The following PDE11A variants were observed in gnomAD, a reference collection of about 807,000 sequenced individuals.
PDE11A encodes the protein dual 3',5'-cyclic-AMP and -GMP phosphodiesterase 11A.
PDE11A carries 100 observed loss-of-function variants against 100.5 expected under a neutral mutation model. The ratio of observed to expected loss-of-function variants is 1.00; its 90% CI spans 0.85 to 1.18. PDE11A has a LOEUF of 1.18. Ranked by LOEUF, PDE11A falls within the 50% of genes most tolerant of loss-of-function variation. The pLI is 0.00. For missense variants in PDE11A, 1,141 were observed against 1,152.6 expected, an observed-to-expected ratio of 0.99 and a Z score of 0.15; for synonymous variants, 381 against 420.8, an observed-to-expected ratio of 0.91 and a Z score of 1.16.
At chr2:177,708,791 C>T (rs2081317286) in intron 13 of PDE11A, among the ~76,000 whole-genome samples, 1 of 152,142 alleles carries the variant, frequency 6.6e-6, no homozygotes, top group Admixed American at 6.5e-5. Flanking sequence ...ATTATGCTCC[C>T]CCAAGTACTG....
At chr2:177,967,201 T>TC (rs2085709697) in intron 2 of PDE11A, among the ~76,000 whole-genome samples, 1 of 32,610 alleles carries the variant, frequency 3.1e-5, no homozygotes, top group Non-Finnish European at 5.4e-5. Context: ...CTCCTTTGTC[T>TC]TTTTTTTTTT....
chr2:177,666,904 A>AATTTATTTATTTATTTATTTATTTATTT (rs3056898), intron 18 of PDE11A, among the ~76,000 whole-genome samples: 19 of 141,434 alleles, frequency 1.3e-4, no homozygotes, highest in East Asian at 1.0e-3. Context: ...GATAAAGTTC[A>AATTTATTTATTTATTTATTTATTTATTT]ATTTATTTAT....
chr2:177,681,899 A>G (rs1243103176), intron 15 of PDE11A, among the ~76,000 whole-genome samples: 1 of 152,236 alleles, frequency 6.6e-6, no homozygotes, highest in Admixed American at 6.5e-5. Flanking sequence ...ATCCCAAAAT[A>G]TATTTATTTG....
At chr2:177,909,619 C>T (rs1421477704) in intron 2 of PDE11A, among the ~76,000 whole-genome samples, 1 of 152,180 alleles carries the variant, frequency 6.6e-6, no homozygotes, top group Non-Finnish European at 1.5e-5. Flanking sequence ...CCCTATTGGA[C>T]ATTACTACTA....
intron 2 of PDE11A, among the ~76,000 whole-genome samples, chr2:177,987,456 T>C (rs1383828342): frequency 2.0e-5 from 3 of 152,244 alleles, no homozygotes; most frequent in Non-Finnish European, 4.4e-5. Context: ...CACATTTTTC[T>C]TATCTCAAAG....
At chr2:177,911,116 C>A (rs2084875284) in intron 2 of PDE11A, among the ~76,000 whole-genome samples, 1 of 152,210 alleles carries the variant, frequency 6.6e-6, no homozygotes, top group Admixed American at 6.5e-5. Flanking sequence ...CAGGCAGTAA[C>A]TATATGATAA....
chr2:177,840,795 A>G (rs1310332449), intron 5 of PDE11A, among the ~76,000 whole-genome samples: 16 of 152,256 alleles, frequency 1.1e-4, no homozygotes, highest in Admixed American at 1.0e-3. Flanking sequence ...GGGAAAAATC[A>G]GGAAGTAAAT....
intron 19 of PDE11A, among the ~76,000 whole-genome samples, chr2:177,642,590 T>C (rs2080160165): frequency 6.6e-6 from 1 of 152,192 alleles, no homozygotes; most frequent in Non-Finnish European, 1.5e-5. Flanking sequence ...TAATTTACCT[T>C]GAGCTTAGGA....
At chr2:177,916,927 A>ATTTTTTTTTTTTTTTTTTTTTTTT (rs1183483256) in intron 2 of PDE11A, among the ~76,000 whole-genome samples, 1 of 105,314 alleles carries the variant, frequency 9.5e-6, no homozygotes, top group African/African-American at 4.3e-5. Flanking sequence ...CGCCCGGCTA[A>ATTTTTTTTTTTTTTTTTTTTTTTT]TTTTTTTTTT....
chr2:178,107,119 A>C (rs1318248678), intron 1 of PDE11A, among the ~76,000 whole-genome samples: 1 of 152,124 alleles, frequency 6.6e-6, no homozygotes, highest in Non-Finnish European at 1.5e-5. Context: ...ACATATTTCC[A>C]TTATAACTGT....
At chr2:177,671,956 C>T (rs2105491056) in intron 17 of PDE11A, among the ~76,000 whole-genome samples, 1 of 152,292 alleles carries the variant, frequency 6.6e-6, no homozygotes, top group South Asian at 2.1e-4. Context: ...CATCATACCT[C>T]ACCCCATTCC....
chr2:178,088,034 C>T (rs2087380387), intron 2 of PDE11A, among the ~76,000 whole-genome samples: 1 of 152,156 alleles, frequency 6.6e-6, no homozygotes, highest in Admixed American at 6.5e-5. Context: ...CTTTTCTGCA[C>T]TGAAGCTCCC....
At chr2:177,869,596 C>A (rs2084093493) in intron 5 of PDE11A, among the ~76,000 whole-genome samples, 1 of 152,160 alleles carries the variant, frequency 6.6e-6, no homozygotes, top group African/African-American at 2.4e-5. Context: ...AATAATCTCC[C>A]TATTTTAACA....
intron 10 of PDE11A, among the ~76,000 whole-genome samples, chr2:177,747,391 A>T (rs982398574): frequency 2.0e-5 from 3 of 152,172 alleles, no homozygotes; most frequent in African/African-American, 7.2e-5. Flanking sequence ...TTTGGCTCTG[A>T]ACTCCCAGAA....
At chr2:177,893,564 C>G (rs1199033858) in intron 4 of PDE11A, among the ~76,000 whole-genome samples, 3 of 152,204 alleles carry the variant, frequency 2.0e-5, no homozygotes, top group African/African-American at 4.8e-5. Flanking sequence ...GGGGTGTGGA[C>G]AGGGGGACTT....
chr2:177,946,026 C>A (rs2085419396), intron 2 of PDE11A, among the ~76,000 whole-genome samples: 1 of 147,172 alleles, frequency 6.8e-6, no homozygotes, highest in East Asian at 2.1e-4. Flanking sequence ...CCCCACCCGG[C>A]CAGCCGCCCC....
chr2:177,796,394 C>A (rs2082708725), intron 9 of PDE11A, among the ~76,000 whole-genome samples: 1 of 152,284 alleles, frequency 6.6e-6, no homozygotes, highest in African/African-American at 2.4e-5. Flanking sequence ...AAGCCCATTG[C>A]CAGTACCTGC....
At chr2:177,859,240 TA>T (rs972666417) in intron 5 of PDE11A, among the ~76,000 whole-genome samples, 1 of 150,480 alleles carries the variant, frequency 6.6e-6, no homozygotes, top group Non-Finnish European at 1.5e-5. Flanking sequence ...AAAAGTATAA[TA>T]AAAAAATAAA....
intron 2 of PDE11A, among the ~76,000 whole-genome samples, chr2:177,930,259 T>C (rs1337215376): frequency 1.3e-5 from 2 of 152,192 alleles, no homozygotes; most frequent in African/African-American, 2.4e-5. Context: ...ACAAGTTCCT[T>C]CAGTGCATGT....
Sources: gnomAD v4.1 joint callset for allele counts (sites outside exome capture counted in the v4.1 genomes callset) on GRCh38, gnomAD v4.1.1 for gene constraint, MANE v1.5 for transcripts, NCBI Gene and HGNC (gene_info 2026-07-23, HGNC 2026-07-21) for gene names.